R3HCC1L: variants seen among roughly 807,000 people sequenced by gnomAD.
R3HCC1L encodes coiled-coil domain-containing protein R3HCC1L.
Under a neutral mutation model 59.9 loss-of-function variants are expected in R3HCC1L, and 51 were observed. The ratio of observed to expected loss-of-function variants is 0.85; its 90% confidence interval spans 0.68 to 1.07. R3HCC1L has a LOEUF of 1.07. Among genes scored for constraint, R3HCC1L ranks in the 50% least tolerant of loss-of-function variants. The pLI is 0.00. For missense variants in R3HCC1L, 965 were observed against 933.0 expected, an observed-to-expected ratio of 1.03 and a Z score of -0.45; for synonymous variants, 322 against 315.2, an observed-to-expected ratio of 1.02 and a Z score of -0.23.
At chr10:98,154,182 CAAAAAAA>C (rs61379048) in intron 1 of R3HCC1L, among the ~76,000 whole-genome samples, 13 of 92,832 alleles carry the variant, frequency 1.4e-4, no homozygotes, top group South Asian at 4.0e-4. Context: ...AGAGAATAAG[CAAAAAAA>C]AAAAAAAAAA....
chr10:98,213,733 G>A (rs1853851937), intron 5 of R3HCC1L, among the ~76,000 whole-genome samples: 1 of 152,086 alleles, frequency 6.6e-6, no homozygotes. Context: ...ATTGAACAGA[G>A]TACAGAGTTC....
chr10:98,219,837 A>G (rs547049271), intron 5 of R3HCC1L, among the ~76,000 whole-genome samples: 1 of 152,192 alleles, frequency 6.6e-6, no homozygotes, highest in Non-Finnish European at 1.5e-5. Context: ...ACTTTTGACA[A>G]CTTGACTAGT....
In R3HCC1L at chr10:98,162,882, G is replaced by C. The variant is rs1477888216; in HGVS notation, c.-212-1G>C. ...TTGGCTGATTTCTATATTTTTTGTA[G>C]AGACGGAGTTTTGCCATGTTGTCCA... is the stretch of plus-strand genomic sequence containing the variant. On this transcript the variant is annotated splice_acceptor_variant, in intron 2 of 9. Coordinates refer to ENST00000298999, the MANE Select transcript of R3HCC1L (RefSeq NM_001351015.2). LOFTEE classifies it low-confidence loss of function (5UTR_SPLICE). The C allele has an allele frequency of 6.6e-6, 1 of 152,402 alleles. No homozygotes were observed. Among genetic ancestry groups the C allele is most frequent in the Non-Finnish European group, 1.5e-5 (1 of 68,238 alleles). The allele number at this position is 152,402 out of a possible 1,614,324, so 9.4% of individuals were successfully genotyped here.
chr10:98,139,602 A>G (rs1364615298), intron 1 of R3HCC1L, among the ~76,000 whole-genome samples: 2 of 152,222 alleles, frequency 1.3e-5, no homozygotes, highest in Non-Finnish European at 2.9e-5. Context: ...GGGAACTCCT[A>G]AGAGCTTATT....
chr10:98,173,145 G>A (rs577845910), intron 4 of R3HCC1L, among the ~76,000 whole-genome samples: 20 of 152,278 alleles, frequency 1.3e-4, no homozygotes, highest in African/African-American at 4.8e-4. Context: ...AGAAAATGTA[G>A]ATGGGGAAAT....
chr10:98,187,940 G>A (rs1376772023), intron 4 of R3HCC1L, among the ~76,000 whole-genome samples: 2 of 151,630 alleles, frequency 1.3e-5, no homozygotes, highest in Admixed American at 6.6e-5. Context: ...ATAGAGTCTC[G>A]CTATGTTGCC....
In R3HCC1L at chr10:98,228,474, G is replaced by T. The variant is rs367979095; in HGVS notation, c.1786-3038G>T. On this transcript the variant is annotated intron_variant, in intron 5 of 9. Transcript: ENST00000298999. ...TTTGTTTCAGTTCTTTGTGGATAAA[G>T]ATATTACTCATCTTTGTCAGATGAG... Among the ~76,000 whole-genome samples, 5 of 152,236 alleles carry T rather than the reference G, an allele frequency of 3.3e-5. No homozygotes were observed. The South Asian group carries it at 1.0e-3, about 32-fold the overall frequency.
chr10:98,164,786 T>C (rs1847774545), intron 4 of R3HCC1L, among the ~76,000 whole-genome samples: 2 of 151,562 alleles, frequency 1.3e-5, no homozygotes, highest in Non-Finnish European at 2.9e-5. Context: ...TTAGAGGAGG[T>C]GGGGAGGGGA....
In R3HCC1L at chr10:98,152,693, G is replaced by A. The variant is rs1195319071; in HGVS notation, c.-267-3400G>A. On this transcript the variant is annotated intron_variant, in intron 1 of 9. Coordinates refer to ENST00000298999, the MANE Select transcript of R3HCC1L (RefSeq NM_001351015.2). ...TCTGCCCGGCCGCGACCCCGTCTGG[G>A]AGGTGAGGAGCGTCTCTGCTGGGCC... Among the ~76,000 whole-genome samples the A allele has an allele frequency of 4.8e-4, 64 of 134,386 alleles. 4 individuals are homozygous for A. The highest frequency in any genetic ancestry group is 1.6e-3 in the African/African-American group (64 of 40,168). The allele number at this position is 134,386 out of a possible 152,430, so 88.2% of individuals were successfully genotyped here.
intron 1 of R3HCC1L, among the ~76,000 whole-genome samples, chr10:98,153,864 G>T (rs1353319124): frequency 6.6e-6 from 1 of 150,916 alleles, no homozygotes; most frequent in Non-Finnish European, 1.5e-5. Context: ...GGTTTGCCGT[G>T]GTGTCACGTT....
intron 4 of R3HCC1L, among the ~76,000 whole-genome samples, chr10:98,180,463 A>T (rs773164701): frequency 6.6e-6 from 1 of 152,114 alleles, no homozygotes; most frequent in Non-Finnish European, 1.5e-5. Context: ...TTTGCTGAGG[A>T]GTGCTTTACT....
chr10:98,211,113 G>A (rs1051063593), intron 5 of R3HCC1L, among the ~76,000 whole-genome samples: 1 of 152,114 alleles, frequency 6.6e-6, no homozygotes, highest in East Asian at 1.9e-4. Context: ...CTATGAATGA[G>A]CATCCATGAG....
rs550691601 is a variant in R3HCC1L at position 98,208,974 on chromosome 10, A to G, written c.860A>G (p.Glu287Gly). 3.1e-6 allele frequency: 5 copies of G among 1,614,050 alleles called. No individual in the cohort carries two copies. The Admixed American group carries it at 5.0e-5, about 16-fold the overall frequency. Residue 287 changes from glutamate (E) to glycine (G), a missense_variant, in exon 5 of 10, where the codon GAG becomes GGG. Transcript: ENST00000298999. ...FDQTCVDFEV[E>G]SVGGIANSTG... is the part of the protein sequence containing the mutation. ...CAAACTTGCGTAGATTTTGAAGTTG[A>G]GAGTGTAGGTGGTATAGCCAATAGT...
At chr10:98,219,359 G>A (rs1421421532) in intron 5 of R3HCC1L, among the ~76,000 whole-genome samples, 4 of 152,164 alleles carry the variant, frequency 2.6e-5, no homozygotes, top group African/African-American at 9.7e-5. Context: ...TTTCTTGTAG[G>A]CAGCATATAG....
intron 4 of R3HCC1L, among the ~76,000 whole-genome samples, chr10:98,180,760 G>T (rs1358095167): frequency 6.6e-6 from 1 of 152,154 alleles, no homozygotes; most frequent in Non-Finnish European, 1.5e-5. Context: ...AGATATTTAG[G>T]ATAGTTAGCT....
intron 1 of R3HCC1L, among the ~76,000 whole-genome samples, chr10:98,138,498 C>A (rs1230823340): frequency 1.3e-5 from 2 of 151,854 alleles, no homozygotes; most frequent in Non-Finnish European, 2.9e-5. Flanking sequence ...CAAGACCAGC[C>A]TGGGCAACAA....
intron 1 of R3HCC1L, among the ~76,000 whole-genome samples, chr10:98,144,796 C>T (rs1269553594): frequency 6.6e-6 from 1 of 152,102 alleles, no homozygotes; most frequent in Non-Finnish European, 1.5e-5. Flanking sequence ...TTGAGGAGTG[C>T]AAAATACAGC....
chr10:98,138,551 A>G (rs999446531), intron 1 of R3HCC1L, among the ~76,000 whole-genome samples: 1 of 152,070 alleles, frequency 6.6e-6, no homozygotes, highest in African/African-American at 2.4e-5. Flanking sequence ...TCAATTAAAC[A>G]CTTTTGTTCC....
chr10:98,194,501 T>C (rs1355912171), intron 4 of R3HCC1L, among the ~76,000 whole-genome samples: 4 of 152,120 alleles, frequency 2.6e-5, no homozygotes, highest in African/African-American at 9.7e-5. Context: ...CTTAAAAGTC[T>C]TCTATACAGC....
Sources: allele counts gnomAD v4.1 joint callset (sites outside exome capture counted in the v4.1 genomes callset), GRCh38; gene constraint gnomAD v4.1.1; transcripts MANE v1.5; gene names NCBI Gene and HGNC (gene_info 2026-07-23, HGNC 2026-07-21).